Variants in GCKR observed in about 807,000 individuals in gnomAD.
GCKR encodes glucokinase regulator.
In GCKR, 73 loss-of-function variants were observed where a neutral mutation model predicts 82.9. The observed-to-expected ratio is 0.88, with a 90% CI of 0.73 to 1.07. The LOEUF is 1.07. GCKR is among the 50% of genes least tolerant of loss of function. The pLI, the probability that GCKR is intolerant of heterozygous loss-of-function variation, is 0.00. For missense variants in GCKR, 784 were observed against 782.1 expected (o/e 1.00, Z -0.03); for synonymous variants, 294 against 291.8 (o/e 1.01, Z -0.08).
At chr2:27,517,262 T>C (rs1415879861) in intron 16 of GCKR, among the ~76,000 whole-genome samples, 1 of 152,124 alleles carries the variant, frequency 6.6e-6, no homozygotes, top group East Asian at 1.9e-4. Context: ...TCCGCCCACC[T>C]TGGCCAGTAC....
At chr2:27,512,629 A>G (rs759327249) in intron 16 of GCKR, among the ~76,000 whole-genome samples, 7 of 152,182 alleles carry the variant, frequency 4.6e-5, no homozygotes, top group Non-Finnish European at 1.0e-4. Context: ...ATTCACCTAC[A>G]TAATTACAAT....
At chr2:27,507,808 G>A in intron 14 of GCKR, 31 bp downstream of exon 14, 2 of 1,326,064 alleles carry the variant, frequency 1.5e-6, no homozygotes, top group South Asian at 1.2e-5. Flanking sequence ...GGTGAGGGGT[G>A]GGGAGGGGGA....
At chr2:27,507,944 C>G in intron 14 of GCKR, 33 bp from the exon 15 acceptor site, 1 of 1,462,850 alleles carries the variant, frequency 6.8e-7, no homozygotes, top group East Asian at 2.3e-5. Context: ...GCACAGCCAG[C>G]CTTTCGACTC....
chr2:27,502,237 C>G (rs1031460341), intron 8 of GCKR, among the ~76,000 whole-genome samples: 3 of 152,132 alleles, frequency 2.0e-5, no homozygotes, highest in Non-Finnish European at 4.4e-5. Context: ...TACTCCTAAC[C>G]CTGATCCTTT....
intron 14 of GCKR, 94 bp downstream of exon 14, chr2:27,507,871 C>T: frequency 8.9e-7 from 1 of 1,123,348 alleles, no homozygotes; most frequent in Non-Finnish European, 1.4e-6. Context: ...GGTACCTGCT[C>T]AGAGGGAGGG....
intron 16 of GCKR, among the ~76,000 whole-genome samples, chr2:27,514,601 G>A (rs1669961034): frequency 6.6e-6 from 1 of 152,122 alleles, no homozygotes; most frequent in African/African-American, 2.4e-5. Flanking sequence ...TTACCTTTGT[G>A]TGTTTCCACA....
intron 8 of GCKR, among the ~76,000 whole-genome samples, chr2:27,502,722 GA>G (rs963016779): frequency 2.6e-5 from 4 of 151,904 alleles, no homozygotes; most frequent in African/African-American, 4.8e-5. Flanking sequence ...TAATACAGAA[GA>G]AAAAAAATAC....
chr2:27,501,263 G>A (rs754857666), intron 8 of GCKR, 34 bp downstream of exon 8: 1 of 1,363,410 alleles, frequency 7.3e-7, no homozygotes, highest in Non-Finnish European at 1.1e-6. Context: ...CAGCCCTGGG[G>A]CAGGCTGGAG....
Position 27,499,447 on chromosome 2 carries a change from C to T in GCKR, c.546C>T (p.Leu182=). Residue 182 remains leucine, a synonymous_variant, in exon 7 of 19, where the codon CTC becomes CTT. Transcript: ENST00000264717. ...RVIVIGISVG[L]SAPFVAGQMD... ...TTGTCATTGGCATTTCTGTGGGACT[C>T]TCTGTGAGTAAAAAGATGGGTTGAG... 2 of 1,606,344 alleles carry T rather than the reference C, an allele frequency of 1.2e-6. No individual in the cohort carries two copies. Among genetic ancestry groups the T allele is most frequent in the Non-Finnish European group, 1.7e-6 (2 of 1,172,974 alleles).
In GCKR at chr2:27,503,492, C is replaced by T. The variant is rs183738110; in HGVS notation, c.645-22C>T. The T allele has an allele frequency of 3.4e-3, 4,288 of 1,279,244 alleles. 25 individuals carry two copies. The highest frequency in any genetic ancestry group is 4.4e-3 in the Non-Finnish European group (3,823 of 873,906). The allele number at this position is 1,279,244 out of a possible 1,614,324, so 79.2% of individuals were successfully genotyped here. ...AGATCCTCATAGACAATCTCCCCAC[C>T]TTGTGTCTCTCTGGACCTCAGAAAT... On this transcript the variant is annotated intron_variant, in intron 8 of 18. Transcript: ENST00000264717.
At chr2:27,513,882 TTCC>T (rs761910167) in intron 16 of GCKR, among the ~76,000 whole-genome samples, 40 of 151,902 alleles carry the variant, frequency 2.6e-4, no homozygotes, top group Non-Finnish European at 4.3e-4. Flanking sequence ...TATAGATCTC[TTCC>T]TCATTATTAC....
chr2:27,507,775 A>G lies in GCKR; in HGVS notation c.1238A>G (p.Asp413Gly), dbSNP rs376096042. The G allele has an allele frequency of 9.4e-5, 146 of 1,552,592 alleles. No individual in the cohort carries two copies. The highest frequency in any genetic ancestry group is 1.3e-4 in the Non-Finnish European group (145 of 1,124,200). ...ACTGTGGTCTTCATTTTCACCCTGG[A>G]TGGTGAGAGGGAAGATGGGAGTGGT... is the stretch of plus-strand genomic sequence containing the variant. ...IDTVVFIFTL[D>G]DNLTEVQTIV... Residue 413 changes from aspartate to glycine, a missense_variant and splice_region_variant, in exon 14 of 19, where the codon GAT (aspartate) becomes GGT (glycine). Transcript: ENST00000264717.
At chr2:27,498,623 A>C in intron 4 of GCKR, 101 bp from the exon 5 acceptor site, 1 of 797,976 alleles carries the variant, frequency 1.3e-6, no homozygotes. Flanking sequence ...GCACTGGTCT[A>C]AGAGAATCAT....
chr2:27,523,229 A>T, intron 18 of GCKR, 40 bp from the exon 19 acceptor site: 1 of 1,582,076 alleles, frequency 6.3e-7, no homozygotes, highest in Non-Finnish European at 8.7e-7. Context: ...TGATGACCTC[A>T]TTCCCTCAGG....
chr2:27,498,209 C>T (rs1287866057), intron 3 of GCKR, 46 bp from the exon 4 acceptor site: 1 of 1,399,438 alleles, frequency 7.1e-7, no homozygotes, highest in South Asian at 1.2e-5. Flanking sequence ...ATTCTTCTCC[C>T]AACCTGAGCC....
chr2:27,507,273 A>T lies in GCKR; in HGVS notation c.1105A>T (p.Ser369Cys). Residue 369 changes from serine (S) to cysteine (C), a missense_variant, in exon 13 of 19, where the codon AGT becomes TGT. By Grantham distance (112) the Ser-to-Cys change is moderately radical. Coordinates refer to ENST00000264717, the MANE Select transcript of GCKR (RefSeq NM_001486.4). ...CCGTGGCTTTCTCATTGGTGATCAC[A>T]GTGACATGTTTAACCAGAAGGCTGA... ...DVRGFLIGDH[S>C]DMFNQKAELT... 6.2e-7 allele frequency: 1 copy of T among 1,613,240 alleles called. No homozygotes were observed. The highest frequency in any genetic ancestry group is 8.5e-7 in the Non-Finnish European group (1 of 1,179,180).
At chr2:27,507,024 A>G (rs993543586) in intron 12 of GCKR, 139 bp downstream of exon 12, 9 of 783,282 alleles carry the variant, frequency 1.1e-5, no homozygotes, top group African/African-American at 1.0e-4. Context: ...CACTTCAGTC[A>G]AATTCTTCTT....
chr2:27,515,848 C>G (rs1489333324), intron 16 of GCKR, among the ~76,000 whole-genome samples: 1 of 149,312 alleles, frequency 6.7e-6, no homozygotes, highest in East Asian at 2.0e-4. Context: ...ACTGCAACCT[C>G]AAACTCCTGG....
intron 16 of GCKR, among the ~76,000 whole-genome samples, chr2:27,512,154 G>A (rs140809842): frequency 0.01 from 1,487 of 144,382 alleles, 6 homozygotes; most frequent in Non-Finnish European, 0.015. Flanking sequence ...CAGAAGAATC[G>A]CTTGAACCTG....
Sources: gnomAD v4.1 joint callset for allele counts (sites outside exome capture counted in the v4.1 genomes callset) on GRCh38, gnomAD v4.1.1 for gene constraint, MANE v1.5 for transcripts, NCBI Gene and HGNC (gene_info 2026-07-23, HGNC 2026-07-21) for gene names.